The following LRRK1 variants were observed in gnomAD, a reference collection of about 807,000 sequenced individuals.
The protein encoded by LRRK1 is leucine-rich repeat serine/threonine-protein kinase 1.
A neutral mutation model predicts 209.1 loss-of-function variants in LRRK1; 113 were observed. The observed-to-expected ratio is 0.54, with a 90% CI of 0.46 to 0.63. The LOEUF is 0.63. Ranked by LOEUF, LRRK1 falls within the 30% of genes least tolerant of loss-of-function variation. The probability of loss-of-function intolerance (pLI) is 0.00; values close to 1 mark genes in which losing one functional copy is unlikely to be tolerated. For missense variants in LRRK1, 2,284 were observed against 2,632.2 expected (o/e 0.87, Z 2.89); for synonymous variants, 1,144 against 1,099.7 (o/e 1.04, Z -0.80).
chr15:100,982,163 C>T (rs895800392), intron 3 of LRRK1, among the ~76,000 whole-genome samples: 1 of 152,150 alleles, frequency 6.6e-6, no homozygotes, highest in Non-Finnish European at 1.5e-5. Context: ...TCCTGAGTCC[C>T]CAGTCCCACT....
intron 1 of LRRK1, among the ~76,000 whole-genome samples, chr15:100,921,027 G>A (rs540130383): frequency 2.6e-5 from 4 of 152,162 alleles, no homozygotes; most frequent in East Asian, 1.9e-4. Flanking sequence ...GAAAACCCAC[G>A]CTCCCTCTCA....
At chr15:101,052,226 C>G (rs1045229696) in intron 24 of LRRK1, among the ~76,000 whole-genome samples, 3 of 152,238 alleles carry the variant, frequency 2.0e-5, no homozygotes, top group African/African-American at 7.2e-5. Context: ...CCCCATACGG[C>G]TCCCCCTTCC....
intron 20 of LRRK1, among the ~76,000 whole-genome samples, chr15:101,031,795 C>T (rs1228560624): frequency 6.6e-6 from 1 of 151,356 alleles, no homozygotes; most frequent in African/African-American, 2.4e-5. Flanking sequence ...AGTGCAGTGG[C>T]ACGATCTTGG....
At chr15:100,955,605 A>C (rs144156832) in intron 2 of LRRK1, among the ~76,000 whole-genome samples, 2 of 152,342 alleles carry the variant, frequency 1.3e-5, no homozygotes, top group African/African-American at 4.8e-5. Context: ...ACCATTAAGT[A>C]TGATCATAGC....
chr15:101,070,543 C>T lies in LRRK1; in HGVS notation c.*1695C>T, dbSNP rs565953936. 5 of 152,098 alleles carry T rather than the reference C, an allele frequency of 3.3e-5. No individual in the cohort carries two copies. The highest frequency in any genetic ancestry group is 4.2e-4 in the South Asian group (2 of 4,818). 9.4% of individuals were successfully genotyped at this position (152,098 alleles called of 1,614,324 possible). On this transcript the variant is annotated 3_prime_UTR_variant, in exon 34 of 34. Transcript: ENST00000388948. The stretch of plus-strand genomic sequence containing the variant: ...GCCCCAAGCTTTTGCTTTGGCATCA[C>T]GCGAGGCCAGGCTGCTTTGCAGGCA...
At chr15:101,035,907 GC>G (rs921548677) in intron 20 of LRRK1, among the ~76,000 whole-genome samples, 1 of 152,138 alleles carries the variant, frequency 6.6e-6, no homozygotes, top group African/African-American at 2.4e-5. Context: ...GATCCCTTGA[GC>G]AGTTCTTATA....
At chr15:100,989,765 T>A (rs1317118481) in intron 6 of LRRK1, 9 of 315,626 alleles carry the variant, frequency 2.9e-5, no homozygotes, top group Non-Finnish European at 4.6e-5. Context: ...CATCATGAGT[T>A]TTGAAGGGGA....
intron 2 of LRRK1, among the ~76,000 whole-genome samples, chr15:100,968,997 T>C (rs1050260274): frequency 3.3e-5 from 5 of 152,066 alleles, no homozygotes; most frequent in African/African-American, 1.2e-4. Context: ...TGCACCACCA[T>C]GCCCGGCTAA....
At chr15:100,944,477 G>A (rs2042500706) in intron 2 of LRRK1, among the ~76,000 whole-genome samples, 1 of 152,144 alleles carries the variant, frequency 6.6e-6, no homozygotes, top group African/African-American at 2.4e-5. Flanking sequence ...TACAAGGATG[G>A]GTTTGTGGCA....
rs939062919 is a variant in LRRK1 at position 101,076,649 on chromosome 15, G to A, written c.*7801G>A. 4 of 152,364 alleles carry A rather than the reference G, an allele frequency of 2.6e-5. No individual in the cohort carries two copies. Among genetic ancestry groups the A allele is most frequent in the African/African-American group, 7.2e-5 (3 of 41,532 alleles). The allele number at this position is 152,364 out of a possible 1,614,324, so 9.4% of individuals were successfully genotyped here. A position where few individuals can be genotyped will look rare whatever the true frequency, so the allele number is the denominator to read the frequency against. On this transcript the variant is annotated 3_prime_UTR_variant, in exon 34 of 34. Transcript: ENST00000388948. ...TTCCATCGTGGAAATCTATCCTCAA[G>A]GAAATAACTTCTCAGTGTTCCATCT...
intron 2 of LRRK1, among the ~76,000 whole-genome samples, chr15:100,948,057 C>A (rs1051325320): frequency 1.3e-5 from 2 of 152,250 alleles, no homozygotes; most frequent in Non-Finnish European, 2.9e-5. Flanking sequence ...CTGCTGAACT[C>A]CTTTGCCCAG....
At chr15:100,945,405 G>A (rs1212835148) in intron 2 of LRRK1, among the ~76,000 whole-genome samples, 2 of 150,150 alleles carry the variant, frequency 1.3e-5, no homozygotes, top group Non-Finnish European at 3.0e-5. Context: ...CTCTTACGAT[G>A]AGTGTGACCA....
intron 23 of LRRK1, among the ~76,000 whole-genome samples, chr15:101,051,318 T>A (rs1204130191): frequency 2.0e-5 from 3 of 152,200 alleles, no homozygotes; most frequent in Non-Finnish European, 4.4e-5. Context: ...AACCTGATGT[T>A]TCTAATTGTA....
In LRRK1 at chr15:100,959,837, T is replaced by C. The variant is rs140263800; in HGVS notation, c.98-13967T>C. 1.4e-3 allele frequency among the ~76,000 whole-genome samples: 214 copies of C among 152,270 alleles called. 1 individual carries two copies. The highest frequency in any genetic ancestry group is 5.0e-3 in the African/African-American group (206 of 41,556). On this transcript the variant is annotated intron_variant, in intron 2 of 33. Transcript: ENST00000388948. ...TGGGGCTTGAAACCAAGTCTTCCAATGTACAGAGTTCAGTTCTTCCTGTAA... is the reference window on the plus strand; with the variant it reads ...TGGGGCTTGAAACCAAGTCTTCCAACGTACAGAGTTCAGTTCTTCCTGTAA...
intron 2 of LRRK1, among the ~76,000 whole-genome samples, chr15:100,954,203 C>T (rs552290437): frequency 3.5e-4 from 54 of 152,140 alleles, no homozygotes; most frequent in Non-Finnish European, 5.3e-4. Context: ...TGTGAGTCAC[C>T]GTGCCCGGCC....
chr15:101,069,028 G>T lies in LRRK1; in HGVS notation c.*180G>T. 1 of 550,284 alleles carries T rather than the reference G, an allele frequency of 1.8e-6. No individual in the cohort carries two copies. The highest frequency in any genetic ancestry group is 3.0e-6 in the Non-Finnish European group (1 of 328,406). The allele number at this position is 550,284 out of a possible 1,614,324, so 34.1% of individuals were successfully genotyped here. On this transcript the variant is annotated 3_prime_UTR_variant, in exon 34 of 34. Coordinates refer to ENST00000388948, the MANE Select transcript of LRRK1 (RefSeq NM_024652.6). ...CCTGGCGGTGGCTCCAGGGTTCTCT[G>T]GTTCTCTGGAGCAGAGTTCTCTGAA...
At chr15:101,014,095 G>A (rs1012370343) in intron 10 of LRRK1, among the ~76,000 whole-genome samples, 1 of 152,100 alleles carries the variant, frequency 6.6e-6, no homozygotes, top group South Asian at 2.1e-4. Context: ...CTGCCTTTGA[G>A]GGAGGAGCTC....
chr15:101,036,547 C>T (rs1392452048), intron 20 of LRRK1, among the ~76,000 whole-genome samples: 1 of 151,070 alleles, frequency 6.6e-6, no homozygotes, highest in Non-Finnish European at 1.5e-5. Context: ...TTAGAATTTT[C>T]TTCTATCTCA....
chr15:100,942,419 G>C (rs1216718608), intron 2 of LRRK1, among the ~76,000 whole-genome samples: 1 of 152,182 alleles, frequency 6.6e-6, no homozygotes, highest in East Asian at 1.9e-4. Context: ...TAGGGAAAAT[G>C]ATAATAATAT....
Sources: allele counts gnomAD v4.1 joint callset (sites outside exome capture counted in the v4.1 genomes callset), GRCh38; gene constraint gnomAD v4.1.1; transcripts MANE v1.5; gene names NCBI Gene and HGNC (gene_info 2026-07-23, HGNC 2026-07-21).